E2F5: variants seen among roughly 807,000 people sequenced by gnomAD.
The protein encoded by E2F5 is transcription factor E2F5.
A neutral mutation model predicts 39.1 loss-of-function variants in E2F5; 23 were observed. The observed-to-expected ratio is 0.59, with a 90% CI of 0.42 to 0.83. E2F5 has a LOEUF of 0.83. Among genes scored for constraint, E2F5 ranks in the 40% least tolerant of loss-of-function variants. The pLI is 0.00. For synonymous variants in E2F5, 145 were observed against 157.8 expected, an observed-to-expected ratio of 0.92 and a Z score of 0.61; for missense variants, 365 against 406.7, an observed-to-expected ratio of 0.90 and a Z score of 0.88.
Position 85,213,958 on chromosome 8 carries a change from T to G in E2F5, c.*96T>G. 1 of 706,080 alleles carries G rather than the reference T, an allele frequency of 1.4e-6. No individual in the cohort carries two copies. The highest frequency in any genetic ancestry group is 2.4e-6 in the Non-Finnish European group (1 of 418,958). 43.7% of individuals were successfully genotyped at this position (706,080 alleles called of 1,614,324 possible). A position where few individuals can be genotyped will look rare whatever the true frequency, so the allele number is the denominator to read the frequency against. ...TATTTAAAATAATGAATGTAACACC[T>G]TTTTTAGTTCACTGATTCTGAAGTG... is the stretch of plus-strand genomic sequence containing the variant. On this transcript the variant is annotated 3_prime_UTR_variant, in exon 8 of 8. Coordinates refer to ENST00000416274, the MANE Select transcript of E2F5 (RefSeq NM_001951.4).
chr8:85,182,139 GTTA>G (rs1454892920), intron 1 of E2F5, among the ~76,000 whole-genome samples: 1 of 152,178 alleles, frequency 6.6e-6, no homozygotes. Context: ...AGGTGGGATA[GTTA>G]TTATTTCTTT....
chr8:85,181,300 A>G (rs927102272), intron 1 of E2F5, among the ~76,000 whole-genome samples: 4 of 152,084 alleles, frequency 2.6e-5, no homozygotes, highest in Non-Finnish European at 5.9e-5. Flanking sequence ...CTGCTGGAGA[A>G]TAAGAACGTA....
intron 1 of E2F5, among the ~76,000 whole-genome samples, chr8:85,194,553 G>C (rs1000911499): frequency 2.9e-5 from 1 of 35,012 alleles, no homozygotes; most frequent in Non-Finnish European, 5.4e-5. Context: ...TTTTTTTTTT[G>C]AGACAGAGTC....
chr8:85,180,499 A>AGGCCC (rs1268389690), intron 1 of E2F5, among the ~76,000 whole-genome samples: 6 of 126,466 alleles, frequency 4.7e-5, no homozygotes, highest in African/African-American at 8.8e-5. Flanking sequence ...AAACGCAGTT[A>AGGCCC]AAGAAACTAT....
intron 1 of E2F5, among the ~76,000 whole-genome samples, chr8:85,187,505 C>G (rs1478255366): frequency 6.6e-6 from 1 of 152,100 alleles, no homozygotes. Context: ...ACTGTTATAT[C>G]TCATGTTGCT....
chr8:85,201,926 T>A (rs1243684020), intron 1 of E2F5: 1 of 536,858 alleles, frequency 1.9e-6, no homozygotes, highest in African/African-American at 2.0e-5. Flanking sequence ...TGACCTTAAT[T>A]TCTTTTTCTG....
intron 1 of E2F5, among the ~76,000 whole-genome samples, chr8:85,189,259 A>G (rs533051422): frequency 6.6e-6 from 1 of 152,330 alleles, no homozygotes; most frequent in Admixed American, 6.5e-5. Context: ...CTAGAGTAAA[A>G]CTTGCCCAGT....
chr8:85,209,500 G>A, intron 6 of E2F5, 91 bp downstream of exon 6: 5 of 1,423,000 alleles, frequency 3.5e-6, no homozygotes, highest in Non-Finnish European at 4.7e-6. Context: ...GACCAGAAAT[G>A]TCCCAAGCAC....
intron 1 of E2F5, among the ~76,000 whole-genome samples, chr8:85,194,631 T>G (rs921622414): frequency 6.7e-6 from 1 of 148,454 alleles, no homozygotes; most frequent in Non-Finnish European, 1.5e-5. Context: ...GCCACCCAGG[T>G]TTAAGTGATT....
At position 85,213,923 on chromosome 8, in the gene E2F5, A is replaced by G. The variant is rs1392751616; in HGVS notation, c.*61A>G. On this transcript the variant is annotated 3_prime_UTR_variant, in exon 8 of 8. Coordinates refer to ENST00000416274, the MANE Select transcript of E2F5 (RefSeq NM_001951.4). ...ACTGTGTAACATTTTAGACTTCTTA[A>G]TAACCTAAATATTTAAAATAATGAA... 1.1e-6 allele frequency: 1 copy of G among 935,664 alleles called. No homozygotes were observed. The highest frequency in any genetic ancestry group is 1.7e-6 in the Non-Finnish European group (1 of 590,790). The allele number at this position is 935,664 out of a possible 1,614,324, so 58.0% of individuals were successfully genotyped here. A position where few individuals can be genotyped will look rare whatever the true frequency, so the allele number is the denominator to read the frequency against.
At chr8:85,205,797 C>A (rs539477668) in intron 3 of E2F5, among the ~76,000 whole-genome samples, 1 of 152,272 alleles carries the variant, frequency 6.6e-6, no homozygotes, top group East Asian at 1.9e-4. Context: ...CCATACCTGA[C>A]CATTTAATAC....
chr8:85,189,267 A>G (rs4150881), intron 1 of E2F5, among the ~76,000 whole-genome samples: 1,617 of 152,314 alleles, frequency 0.011, 34 homozygotes, highest in African/African-American at 0.037. Flanking sequence ...AAACTTGCCC[A>G]GTATGCAACC....
Position 85,177,376 on chromosome 8 carries a change from G to T in E2F5, c.-45G>T. ...GCAGGTGGCCGCGGGCGGGGCCGGC[G>T]AGCGAAAGTGCGCGGGGGCCCGACC... On this transcript the variant is annotated 5_prime_UTR_variant, in exon 1 of 8. Transcript: ENST00000416274. 1.0e-6 allele frequency: 1 copy of T among 986,828 alleles called. No individual in the cohort carries two copies. Among genetic ancestry groups the T allele is most frequent in the South Asian group, 4.7e-5 (1 of 21,434 alleles). 61.1% of individuals were successfully genotyped at this position (986,828 alleles called of 1,614,324 possible).
At chr8:85,190,905 GA>G (rs1208939777) in intron 1 of E2F5, among the ~76,000 whole-genome samples, 2 of 152,142 alleles carry the variant, frequency 1.3e-5, no homozygotes, top group Non-Finnish European at 2.9e-5. Context: ...CAAAGAGGTG[GA>G]AGCTTGAAAA....
intron 3 of E2F5, among the ~76,000 whole-genome samples, chr8:85,203,587 T>C (rs1161191833): frequency 1.3e-5 from 2 of 151,762 alleles, no homozygotes; most frequent in African/African-American, 4.8e-5. Context: ...TTAAGTACAT[T>C]TGTATTTTTA....
intron 1 of E2F5, among the ~76,000 whole-genome samples, chr8:85,196,275 C>T (rs2129693907): frequency 6.6e-6 from 1 of 152,306 alleles, no homozygotes; most frequent in South Asian, 2.1e-4. Flanking sequence ...CCTCCAGGAA[C>T]TATTTCCTGT....
chr8:85,208,591 C>A (rs934711680), intron 5 of E2F5, among the ~76,000 whole-genome samples: 25 of 152,100 alleles, frequency 1.6e-4, no homozygotes, highest in African/African-American at 5.8e-4. Context: ...TACCTCCTTC[C>A]CCCACCCGCT....
intron 6 of E2F5, among the ~76,000 whole-genome samples, chr8:85,210,741 C>A (rs1812899748): frequency 6.6e-6 from 1 of 151,570 alleles, no homozygotes; most frequent in African/African-American, 2.4e-5. Context: ...ATAAAGCAGG[C>A]AAGCTTTACA....
chr8:85,198,845 A>G (rs1587492690), intron 1 of E2F5, among the ~76,000 whole-genome samples: 1 of 152,158 alleles, frequency 6.6e-6, no homozygotes, highest in Non-Finnish European at 1.5e-5. Context: ...TCCCCTAAGC[A>G]CACACTCTCG....
Sources: gnomAD v4.1 joint callset for allele counts (sites outside exome capture counted in the v4.1 genomes callset) on GRCh38, gnomAD v4.1.1 for gene constraint, MANE v1.5 for transcripts, NCBI Gene and HGNC (gene_info 2026-07-23, HGNC 2026-07-21) for gene names.